Variants in TNFRSF13B observed in about 807,000 individuals in gnomAD.
TNFRSF13B encodes the protein tumor necrosis factor receptor superfamily member 13B.
TNFRSF13B carries 34 observed loss-of-function variants against 24.0 expected under a neutral mutation model. The observed-to-expected ratio is 1.41, with a 90% confidence interval of 1.08 to 1.88. TNFRSF13B has a LOEUF of 1.88. Among genes scored for constraint, TNFRSF13B ranks in the 40% most tolerant of loss-of-function variants. The probability of loss-of-function intolerance (pLI) is 0.00; values close to 1 mark genes in which losing one functional copy is unlikely to be tolerated. For missense variants in TNFRSF13B, 415 were observed against 380.8 expected (o/e 1.09, Z -0.75); for synonymous variants, 173 against 150.3 (o/e 1.15, Z -1.10).
chr17:16,963,539 G>A (rs1417008181), intron 1 of TNFRSF13B, among the ~76,000 whole-genome samples: 1 of 151,660 alleles, frequency 6.6e-6, no homozygotes, highest in Admixed American at 6.6e-5. Context: ...TTTTGTTTTT[G>A]TTTTTGTTTT....
intron 1 of TNFRSF13B, among the ~76,000 whole-genome samples, chr17:16,967,220 T>G (rs1046188788): frequency 1.3e-5 from 2 of 152,118 alleles, no homozygotes; most frequent in African/African-American, 4.8e-5. Flanking sequence ...TAAATTACAG[T>G]ACATTTATAC....
At chr17:16,943,955 G>T (rs985034019) in intron 3 of TNFRSF13B, among the ~76,000 whole-genome samples, 1 of 152,110 alleles carries the variant, frequency 6.6e-6, no homozygotes, top group Non-Finnish European at 1.5e-5. Flanking sequence ...AGAACCCCAC[G>T]CCAGTCTCCT....
At chr17:16,953,863 G>A (rs57166795) in intron 1 of TNFRSF13B, among the ~76,000 whole-genome samples, 19,110 of 152,106 alleles carry the variant, frequency 0.13, 1,377 homozygotes, top group East Asian at 0.4. Flanking sequence ...TCCACCTCCC[G>A]GGTTCAAGCA....
At position 16,940,530 on chromosome 17, in the gene TNFRSF13B, C is replaced by T; in HGVS notation, c.446-19G>A. ...GGGAGAGCTGCAAGACAGCATGAGA[C>T]CCCTCTCTGCAGTGCCTTCTTCTCT... is the stretch of plus-strand genomic sequence containing the variant. On this transcript the variant is annotated intron_variant, in intron 3 of 4. Coordinates refer to ENST00000261652, the MANE Select transcript of TNFRSF13B (RefSeq NM_012452.3). 1 of 1,610,986 alleles carries T rather than the reference C, an allele frequency of 6.2e-7. No homozygotes were observed.
intron 3 of TNFRSF13B, among the ~76,000 whole-genome samples, chr17:16,945,795 G>A (rs902815046): frequency 5.3e-5 from 8 of 152,144 alleles, no homozygotes; most frequent in Non-Finnish European, 1.0e-4. Flanking sequence ...ATGGCTACAG[G>A]TTTCCCCCCT....
At chr17:16,944,620 A>T (rs1301520358) in intron 3 of TNFRSF13B, among the ~76,000 whole-genome samples, 1 of 152,100 alleles carries the variant, frequency 6.6e-6, no homozygotes. Flanking sequence ...GGAATTTGTC[A>T]TCTGCGTGGC....
At chr17:16,942,641 G>GC (rs1456268012) in intron 3 of TNFRSF13B, among the ~76,000 whole-genome samples, 1 of 152,234 alleles carries the variant, frequency 6.6e-6, no homozygotes, top group Non-Finnish European at 1.5e-5. Flanking sequence ...GGAGGCATGA[G>GC]CAGGGGAGAC....
In TNFRSF13B at chr17:16,952,870, C is replaced by A. The variant is rs1841191953; in HGVS notation, c.62-287G>T. ...GCCCTACTGGGCCCTGTTCCCTGCC[C>A]TCCTTAACGTGCCACGCCTCTCCCT... On this transcript the variant is annotated intron_variant, in intron 1 of 4. Coordinates refer to ENST00000261652, the MANE Select transcript of TNFRSF13B (RefSeq NM_012452.3). Among the ~76,000 whole-genome samples, 4 of 152,322 alleles carry A rather than the reference C, an allele frequency of 2.6e-5. No homozygotes were observed. The South Asian group carries it at 8.3e-4, about 32-fold the overall frequency.
At chr17:16,945,157 C>T (rs1004609015) in intron 3 of TNFRSF13B, among the ~76,000 whole-genome samples, 2 of 152,252 alleles carry the variant, frequency 1.3e-5, no homozygotes, top group Non-Finnish European at 2.9e-5. Flanking sequence ...ACAAGTGTGG[C>T]AGCTGATGTA....
At chr17:16,957,411 G>A (rs2087632534) in intron 1 of TNFRSF13B, among the ~76,000 whole-genome samples, 1 of 152,006 alleles carries the variant, frequency 6.6e-6, no homozygotes, top group Non-Finnish European at 1.5e-5. Context: ...AGAAGGAGAA[G>A]GGACAAAATG....
chr17:16,966,987 C>T (rs906259842), intron 1 of TNFRSF13B, among the ~76,000 whole-genome samples: 1 of 151,686 alleles, frequency 6.6e-6, no homozygotes, highest in African/African-American at 2.4e-5. Flanking sequence ...TACAGGCACT[C>T]GCCAGCATGC....
chr17:16,969,226 G>T lies in TNFRSF13B; in HGVS notation c.61+2789C>A, dbSNP rs190302791. Among the ~76,000 whole-genome samples, 32 of 152,302 alleles carry T rather than the reference G, an allele frequency of 2.1e-4. 1 individual carries two copies. Among genetic ancestry groups the T allele is most frequent in the Admixed American group, 2.0e-3 (31 of 15,302 alleles). ...ATCTACTTAAGAGAAATGAAGACAT[G>T]TTCACCCAAAACTTGAATCCAAAAG... On this transcript the variant is annotated intron_variant, in intron 1 of 4. Transcript: ENST00000261652.
intron 3 of TNFRSF13B, among the ~76,000 whole-genome samples, chr17:16,945,295 G>T (rs1337554114): frequency 1.3e-5 from 2 of 150,136 alleles, no homozygotes; most frequent in Non-Finnish European, 2.9e-5. Flanking sequence ...GTGCCCTCTG[G>T]CAAGGGGGCT....
At chr17:16,940,092 G>A (rs2087498200) in intron 4 of TNFRSF13B, 5 of 1,201,802 alleles carry the variant, frequency 4.2e-6, no homozygotes, top group Non-Finnish European at 5.6e-6. Context: ...GAGAATCCTG[G>A]GCCCAGGCAA....
intron 3 of TNFRSF13B, among the ~76,000 whole-genome samples, chr17:16,946,797 C>G (rs538965222): frequency 1.3e-5 from 2 of 151,862 alleles, no homozygotes; most frequent in Non-Finnish European, 2.9e-5. Context: ...CTTGTTGATC[C>G]GGCTGATCTT....
chr17:16,959,708 C>T (rs1404557129), intron 1 of TNFRSF13B, among the ~76,000 whole-genome samples: 1 of 151,894 alleles, frequency 6.6e-6, no homozygotes, highest in African/African-American at 2.4e-5. Flanking sequence ...CAATGGTACA[C>T]CAACAAATTG....
intron 4 of TNFRSF13B, 63 bp from the exon 5 acceptor site, chr17:16,939,860 G>T: frequency 1.3e-6 from 2 of 1,534,098 alleles, no homozygotes; most frequent in South Asian, 2.5e-5. Context: ...AGGGGTGACG[G>T]TGTGGGCAGC....
At position 16,954,293 on chromosome 17, in the gene TNFRSF13B, A is replaced by AGGAT. The variant is rs61467683; in HGVS notation, c.62-1714_62-1711dup. Among the ~76,000 whole-genome samples the AGGAT allele has an allele frequency of 2.4e-3, 366 of 152,302 alleles. 1 individual carries two copies. Among genetic ancestry groups the AGGAT allele is most frequent in the African/African-American group, 8.6e-3 (357 of 41,572 alleles). ...CAGCTATTCAGGAGGCTGAGACAGG[A>AGGAT]GGATCGCTTGAGCCTGAGAGTTCAA... On this transcript the variant is annotated intron_variant, in intron 1 of 4. Transcript: ENST00000261652.
At chr17:16,942,438 CA>C (rs1267178954) in intron 3 of TNFRSF13B, among the ~76,000 whole-genome samples, 2 of 152,172 alleles carry the variant, frequency 1.3e-5, no homozygotes, top group African/African-American at 2.4e-5. Flanking sequence ...CTGACATTTA[CA>C]GGGGGGAGAT....
Sources: gnomAD v4.1 joint callset for allele counts (sites outside exome capture counted in the v4.1 genomes callset) on GRCh38, gnomAD v4.1.1 for gene constraint, MANE v1.5 for transcripts, NCBI Gene and HGNC (gene_info 2026-07-23, HGNC 2026-07-21) for gene names.